Variants in RNF17 observed in about 807,000 individuals in gnomAD.
The protein encoded by RNF17 is spermatogenesis associated 23.
Under a neutral mutation model 200.5 loss-of-function variants are expected in RNF17, and 31 were observed. The observed-to-expected ratio is 0.15, with a 90% CI of 0.12 to 0.21. The LOEUF (loss-of-function observed/expected upper bound fraction) is 0.21. Among genes scored for constraint, RNF17 ranks in the 10% least tolerant of loss-of-function variants. The pLI, the probability that RNF17 is intolerant of heterozygous loss-of-function variation, is 1.00. For synonymous variants in RNF17, 606 were observed against 637.8 expected, an observed-to-expected ratio of 0.95 and a Z score of 0.75; for missense variants, 1,628 against 1,905.1, an observed-to-expected ratio of 0.85 and a Z score of 2.71.
chr13:24,767,393 A>G, intron 2 of RNF17, 27 bp downstream of exon 2: 1 of 1,344,252 alleles, frequency 7.4e-7, no homozygotes, highest in Non-Finnish European at 1.1e-6. Context: ...TTCAGATGAA[A>G]CATATCACAA....
At chr13:24,823,525 G>C (rs1593349458) in intron 15 of RNF17, among the ~76,000 whole-genome samples, 1 of 149,822 alleles carries the variant, frequency 6.7e-6, no homozygotes, top group Non-Finnish European at 1.5e-5. Context: ...TGAATGTCAG[G>C]AGCTGAAACA....
chr13:24,774,950 A>C (rs1881355400), intron 3 of RNF17, 46 bp downstream of exon 3: 1 of 1,215,930 alleles, frequency 8.2e-7, no homozygotes, highest in African/African-American at 1.5e-5. Flanking sequence ...TCAATGTGTT[A>C]CTGAAATAGT....
At chr13:24,878,053 C>G (rs1895043102) in intron 34 of RNF17, among the ~76,000 whole-genome samples, 1 of 152,214 alleles carries the variant, frequency 6.6e-6, no homozygotes, top group African/African-American at 2.4e-5. Flanking sequence ...TAGCCACAGC[C>G]CCTTAGATAG....
chr13:24,757,656 A>T, the RNF17 span, among the ~76,000 whole-genome samples: 1 of 152,198 alleles, frequency 6.6e-6, no homozygotes, highest in African/African-American at 2.4e-5. Flanking sequence ...AACATATAAT[A>T]GTTGGAAAAA....
chr13:24,787,048 C>T (rs923465080), intron 6 of RNF17, among the ~76,000 whole-genome samples: 3 of 151,750 alleles, frequency 2.0e-5, no homozygotes, highest in African/African-American at 7.3e-5. Flanking sequence ...TTTAATTGTC[C>T]TATATTCAAG....
the RNF17 span, chr13:24,751,538 TA>T: frequency 5.9e-5 from 9 of 152,294 alleles, no homozygotes; most frequent in East Asian, 7.7e-4. Flanking sequence ...ACTTTTACCA[TA>T]TTTTTTTTCT....
chr13:24,859,298 G>A lies in RNF17; in HGVS notation c.3774+134G>A, dbSNP rs796320026. ...ATTGTGTAGGAAGATCAGTTATATT[G>A]TACTTTTATTTGTAATAATTTTTCG... On this transcript the variant is annotated intron_variant, in intron 26 of 35. Coordinates refer to ENST00000255324, the MANE Select transcript of RNF17 (RefSeq NM_031277.3). 20 of 653,116 alleles carry A rather than the reference G, an allele frequency of 3.1e-5. No homozygotes were observed. In the African/African-American group the frequency reaches 3.5e-4, roughly 11 times the overall value. The allele number at this position is 653,116 out of a possible 1,614,324, so 40.5% of individuals were successfully genotyped here. A position where few individuals can be genotyped will look rare whatever the true frequency, so the allele number is the denominator to read the frequency against.
the RNF17 span, chr13:24,750,896 A>G: frequency 1.3e-5 from 2 of 152,136 alleles, no homozygotes; most frequent in African/African-American, 4.8e-5. Context: ...TGTAGTTGAG[A>G]TATCCACTCG....
intron 2 of RNF17, among the ~76,000 whole-genome samples, chr13:24,768,386 G>A (rs1388623629): frequency 6.7e-6 from 1 of 149,782 alleles, no homozygotes; most frequent in Non-Finnish European, 1.5e-5. Flanking sequence ...CCAGGTCCAA[G>A]TGATTTTCCT....
chr13:24,868,471 A>AT (rs1270301586), intron 30 of RNF17, 129 bp from the exon 31 acceptor site: 1 of 217,302 alleles, frequency 4.6e-6, no homozygotes, highest in African/African-American at 5.1e-5. Context: ...CTCCGTCTCA[A>AT]AAAAAAAAAA....
At chr13:24,788,938 C>G (rs1389375497) in intron 7 of RNF17, among the ~76,000 whole-genome samples, 1 of 151,996 alleles carries the variant, frequency 6.6e-6, no homozygotes, top group African/African-American at 2.4e-5. Flanking sequence ...GCTAGGTGTC[C>G]CAGGCTTTAG....
intron 15 of RNF17, among the ~76,000 whole-genome samples, chr13:24,805,965 G>A (rs947170948): frequency 6.6e-6 from 1 of 151,732 alleles, no homozygotes; most frequent in East Asian, 1.9e-4. Flanking sequence ...AGGTATACAT[G>A]TGCCATGGTG....
At chr13:24,848,475 A>G (rs1045092395) in intron 22 of RNF17, among the ~76,000 whole-genome samples, 3 of 152,158 alleles carry the variant, frequency 2.0e-5, no homozygotes, top group Non-Finnish European at 4.4e-5. Context: ...CAGCCTGGCC[A>G]ACATGGTGAA....
At chr13:24,784,816 C>G (rs1041459481) in intron 6 of RNF17, among the ~76,000 whole-genome samples, 2 of 152,070 alleles carry the variant, frequency 1.3e-5, no homozygotes, top group African/African-American at 4.8e-5. Flanking sequence ...AAGTGATTCT[C>G]CTGCCTCAGC....
rs1879210338 is a variant in RNF17, at chr13:24,764,248, C to T, written c.45C>T (p.Tyr15=). The T allele has an allele frequency of 1.9e-6, 3 of 1,609,142 alleles. No individual in the cohort carries two copies. The highest frequency in any genetic ancestry group is 2.6e-6 in the Non-Finnish European group (3 of 1,176,208). ...AGACTGGGCCTTCTAGGTCTTCCTA[C>T]CAGCGAATGGGGAGGAAGAGTCAGC... The part of the protein sequence containing the change: ...ASKTGPSRSS[Y]QRMGRKSQPW... The change falls in exon 1 of 36, where the codon TAC becomes TAT. Residue 15 remains tyrosine (Y), a synonymous_variant. Coordinates refer to ENST00000255324, the MANE Select transcript of RNF17 (RefSeq NM_031277.3).
chr13:24,812,931 C>T (rs561381503), intron 15 of RNF17, among the ~76,000 whole-genome samples: 9 of 152,148 alleles, frequency 5.9e-5, no homozygotes, highest in African/African-American at 1.9e-4. Flanking sequence ...ATCCACCCGC[C>T]TCGACCTCCC....
At chr13:24,786,547 C>T (rs564263616) in intron 6 of RNF17, among the ~76,000 whole-genome samples, 7 of 152,286 alleles carry the variant, frequency 4.6e-5, no homozygotes, top group African/African-American at 7.2e-5. Flanking sequence ...TTCACATTAA[C>T]GTGAAGCACT....
downstream of RNF17, chr13:24,883,287 C>T: frequency 6.2e-7 from 1 of 1,613,926 alleles, no homozygotes; most frequent in South Asian, 1.1e-5. Flanking sequence ...TTAACAGTGC[C>T]ATCTGGGTAT....
intron 1 of RNF17, among the ~76,000 whole-genome samples, chr13:24,764,959 CTAT>C (rs1420742825): frequency 6.6e-6 from 1 of 151,584 alleles, no homozygotes; most frequent in African/African-American, 2.4e-5. Flanking sequence ...ATACACTGCA[CTAT>C]TATTGGTCTG....
Sources: allele counts gnomAD v4.1 joint callset (sites outside exome capture counted in the v4.1 genomes callset), GRCh38; gene constraint gnomAD v4.1.1; transcripts MANE v1.5; gene names NCBI Gene and HGNC (gene_info 2026-07-23, HGNC 2026-07-21).